SLC8A1: variants seen among roughly 807,000 people sequenced by gnomAD.
SLC8A1 encodes the protein sodium/calcium exchanger 1.
A neutral mutation model predicts 68.3 loss-of-function variants in SLC8A1; 18 were observed. The observed-to-expected ratio is 0.26, with a 90% CI of 0.18 to 0.39. SLC8A1 has a LOEUF of 0.39. SLC8A1 is among the 10% of genes least tolerant of loss of function. SLC8A1 has a pLI of 1.00. For synonymous variants in SLC8A1, 475 were observed against 415.5 expected, an observed-to-expected ratio of 1.14 and a Z score of -1.74; for missense variants, 985 against 1,156.7, an observed-to-expected ratio of 0.85 and a Z score of 2.15.
intron 7 of SLC8A1, among the ~76,000 whole-genome samples, chr2:40,126,262 C>G (rs1034910952): frequency 6.6e-6 from 1 of 152,164 alleles, no homozygotes; most frequent in South Asian, 2.1e-4. Context: ...TAAAAACATA[C>G]TTTTAAAATG....
At chr2:40,235,991 A>C (rs903058316) in intron 2 of SLC8A1, among the ~76,000 whole-genome samples, 3 of 151,322 alleles carry the variant, frequency 2.0e-5, no homozygotes, top group South Asian at 2.1e-4. Context: ...CTGTTCTTTT[A>C]CATTTGCTGA....
intron 2 of SLC8A1, among the ~76,000 whole-genome samples, chr2:40,308,616 C>T (rs1167582620): frequency 6.6e-6 from 1 of 151,222 alleles, no homozygotes; most frequent in African/African-American, 2.4e-5. Flanking sequence ...CTATACTTTA[C>T]TCAGTAAGCA....
intron 2 of SLC8A1, among the ~76,000 whole-genome samples, chr2:40,335,614 C>G (rs933110030): frequency 2.0e-5 from 3 of 152,218 alleles, no homozygotes; most frequent in Non-Finnish European, 4.4e-5. Flanking sequence ...ACAAAAATAT[C>G]TATGCTACAA....
chr2:40,120,565 A>T (rs536179408), intron 7 of SLC8A1: 1 of 152,224 alleles, frequency 6.6e-6, no homozygotes, highest in East Asian at 1.9e-4. Context: ...TTAAAATACT[A>T]AATTTATATG....
At chr2:40,304,534 C>T (rs751249010) in intron 2 of SLC8A1, among the ~76,000 whole-genome samples, 7 of 152,184 alleles carry the variant, frequency 4.6e-5, no homozygotes, top group Non-Finnish European at 8.8e-5. Flanking sequence ...CTCTCACCCC[C>T]GCAGTCTCAG....
intron 1 of SLC8A1, among the ~76,000 whole-genome samples, chr2:40,491,036 G>GTC (rs1233348457): frequency 1.3e-5 from 2 of 152,012 alleles, no homozygotes; most frequent in South Asian, 2.1e-4. Context: ...ACACGAAAGT[G>GTC]TCTCTCTCTC....
chr2:40,180,835 G>T (rs2049379135), intron 2 of SLC8A1, among the ~76,000 whole-genome samples: 1 of 151,890 alleles, frequency 6.6e-6, no homozygotes, highest in South Asian at 2.1e-4. Flanking sequence ...TGTTTGTGTA[G>T]AAAAGGTACC....
intron 2 of SLC8A1, among the ~76,000 whole-genome samples, chr2:40,252,781 CATAT>C (rs559950276): frequency 3.3e-5 from 5 of 151,022 alleles, no homozygotes; most frequent in African/African-American, 1.2e-4. Flanking sequence ...AATGTTAGCA[CATAT>C]ATATATGTGT....
chr2:40,109,403 G>A (rs1004043050), exon 8 of SLC8A1: 2 of 152,086 alleles, frequency 1.3e-5, no homozygotes, highest in African/African-American at 4.8e-5. Flanking sequence ...CTAGGTCGAT[G>A]GGCAGCACTG....
intron 6 of SLC8A1, among the ~76,000 whole-genome samples, chr2:40,146,823 C>T (rs74407994): frequency 0.021 from 3,147 of 152,222 alleles, 94 homozygotes; most frequent in African/African-American, 0.072. Flanking sequence ...CATCCCTACC[C>T]GCTTCTTCCA....
chr2:40,143,046 T>G (rs1252308983), intron 6 of SLC8A1, among the ~76,000 whole-genome samples: 1 of 152,120 alleles, frequency 6.6e-6, no homozygotes, highest in East Asian at 1.9e-4. Flanking sequence ...TTTTAATGCA[T>G]AAGTCTGGAA....
At chr2:40,104,384 A>G (rs573154617) in exon 8 of SLC8A1, 13 of 152,362 alleles carry the variant, frequency 8.5e-5, no homozygotes, top group Admixed American at 6.5e-4. Context: ...AAAAGACCCT[A>G]TATCAAACTT....
chr2:40,363,144 G>A (rs980932518), intron 2 of SLC8A1, among the ~76,000 whole-genome samples: 8 of 152,064 alleles, frequency 5.3e-5, no homozygotes, highest in African/African-American at 1.9e-4. Flanking sequence ...TTTTACTACT[G>A]AAGGTTGGTA....
chr2:40,156,797 CCT>C (rs1371858947), intron 6 of SLC8A1, among the ~76,000 whole-genome samples: 1 of 152,054 alleles, frequency 6.6e-6, no homozygotes. Flanking sequence ...TGTGTGTATG[CCT>C]CTGTGTACGT....
chr2:40,359,624 G>C (rs915439835), intron 2 of SLC8A1, among the ~76,000 whole-genome samples: 3 of 152,084 alleles, frequency 2.0e-5, no homozygotes, highest in African/African-American at 7.2e-5. Context: ...GGAAGGATTT[G>C]AGAGATATTT....
intron 2 of SLC8A1, among the ~76,000 whole-genome samples, chr2:40,306,912 C>A (rs967624434): frequency 1.3e-4 from 19 of 151,782 alleles, no homozygotes; most frequent in African/African-American, 4.4e-4. Context: ...TTTTTGTTTG[C>A]TTAATGAAGA....
At chr2:40,407,479 T>G (rs1690738245) in intron 2 of SLC8A1, among the ~76,000 whole-genome samples, 1 of 152,216 alleles carries the variant, frequency 6.6e-6, no homozygotes, top group Non-Finnish European at 1.5e-5. Flanking sequence ...TTATTGGTAG[T>G]TTTCTGTCTT....
chr2:40,511,634 G>T (rs1409544151), intron 1 of SLC8A1, among the ~76,000 whole-genome samples: 1 of 151,938 alleles, frequency 6.6e-6, no homozygotes, highest in Non-Finnish European at 1.5e-5. Flanking sequence ...ATGACAAAAC[G>T]ATAATAATCT....
Position 40,363,049 on chromosome 2 carries a change from T to TA in SLC8A1, c.1808+65423dup, listed in dbSNP as rs543770604. 3.6e-4 allele frequency among the ~76,000 whole-genome samples: 55 copies of TA among 152,178 alleles called. 1 individual carries two copies. In the East Asian group the frequency reaches 7.9e-3, roughly 22 times the overall value. ...TCCATAATCATTTCCCCACCACCCC[T>TA]AGAAGGTACTGCTTTCATTCAGGAC... is the stretch of plus-strand genomic sequence containing the variant. On this transcript the variant is annotated intron_variant, in intron 2 of 7. Coordinates refer to ENST00000406785, the Ensembl canonical transcript of SLC8A1.
Sources: allele counts gnomAD v4.1 joint callset (sites outside exome capture counted in the v4.1 genomes callset), GRCh38; gene constraint gnomAD v4.1.1; transcripts MANE v1.5; gene names NCBI Gene and HGNC (gene_info 2026-07-23, HGNC 2026-07-21).